Variants in TMEM163 observed in about 807,000 individuals in gnomAD.
TMEM163 encodes transmembrane protein 163.
A neutral mutation model predicts 29.3 loss-of-function variants in TMEM163; 17 were observed. The ratio of observed to expected loss-of-function variants is 0.58; its 90% CI spans 0.40 to 0.87. TMEM163 has a LOEUF of 0.87. Ranked by LOEUF, TMEM163 falls within the 40% of genes least tolerant of loss-of-function variation. The pLI, the probability that TMEM163 is intolerant of heterozygous loss-of-function variation, is 0.00. For missense variants in TMEM163, 303 were observed against 381.5 expected (o/e 0.79, Z 1.71); for synonymous variants, 157 against 160.6 (o/e 0.98, Z 0.17).
At chr2:134,592,848 A>G (rs1681967905) in intron 2 of TMEM163, among the ~76,000 whole-genome samples, 2 of 152,216 alleles carry the variant, frequency 1.3e-5, no homozygotes, top group South Asian at 4.2e-4. Context: ...ACATGTATAT[A>G]GAGATACAGA....
intron 2 of TMEM163, among the ~76,000 whole-genome samples, chr2:134,614,166 C>G (rs1302721459): frequency 6.6e-6 from 1 of 151,992 alleles, no homozygotes; most frequent in Non-Finnish European, 1.5e-5. Flanking sequence ...GGAAATAGAC[C>G]TATAAAAATA....
intron 4 of TMEM163, among the ~76,000 whole-genome samples, chr2:134,512,956 G>A (rs1679981713): frequency 6.6e-6 from 1 of 152,190 alleles, no homozygotes; most frequent in South Asian, 2.1e-4. Flanking sequence ...CAGGCCAGGT[G>A]AGGATGTGGC....
intron 6 of TMEM163, among the ~76,000 whole-genome samples, chr2:134,465,197 A>C (rs1339881003): frequency 1.5e-5 from 2 of 136,074 alleles, no homozygotes; most frequent in African/African-American, 3.1e-5. Flanking sequence ...TTTAAAAAAA[A>C]AAAAAACAAA....
At chr2:134,502,861 G>A (rs373716204) in intron 5 of TMEM163, 40 bp downstream of exon 5, 78 of 1,590,586 alleles carry the variant, frequency 4.9e-5, no homozygotes, top group African/African-American at 1.9e-4. Flanking sequence ...GGGGGCCAGC[G>A]CTGGCAGGAA....
intron 2 of TMEM163, among the ~76,000 whole-genome samples, chr2:134,590,793 G>C (rs888276338): frequency 6.6e-6 from 1 of 152,156 alleles, no homozygotes; most frequent in East Asian, 1.9e-4. Flanking sequence ...CATGGTGAGA[G>C]ACGAGAAAGG....
intron 2 of TMEM163, among the ~76,000 whole-genome samples, chr2:134,585,741 C>CAA (rs35588366): frequency 0.063 from 8,913 of 141,600 alleles, 820 homozygotes; most frequent in African/African-American, 0.2. Context: ...GACTCCGTCT[C>CAA]AAAAAAAAAA....
At chr2:134,575,520 A>T (rs1001858567) in intron 2 of TMEM163, among the ~76,000 whole-genome samples, 1 of 152,186 alleles carries the variant, frequency 6.6e-6, no homozygotes, top group African/African-American at 2.4e-5. Context: ...GGAGAGAGGC[A>T]CACACACAGG....
intron 6 of TMEM163, among the ~76,000 whole-genome samples, chr2:134,459,954 C>T (rs372120574): frequency 1.3e-5 from 2 of 152,116 alleles, no homozygotes; most frequent in Non-Finnish European, 2.9e-5. Flanking sequence ...AAGCCCTGAG[C>T]GCCACCTCGC....
rs1387785919 is a variant in TMEM163 at position 134,715,813 on chromosome 2, G to A, written c.203-2494C>T. Among the ~76,000 whole-genome samples, 2 of 152,298 alleles carry A rather than the reference G, an allele frequency of 1.3e-5. 1 individual carries two copies. Among genetic ancestry groups the A allele is most frequent in the Middle Eastern group, 6.8e-3 (2 of 294 alleles). Reference sequence around the variant, plus strand: ...GGACAGCCTAGAGAAGCTACGACAGGCCTCGGATTTGCAGGCAGGGCTGGA... The same window carrying A: ...GGACAGCCTAGAGAAGCTACGACAGACCTCGGATTTGCAGGCAGGGCTGGA... On this transcript the variant is annotated intron_variant, in intron 1 of 7. Coordinates refer to ENST00000281924, the MANE Select transcript of TMEM163 (RefSeq NM_030923.5).
chr2:134,456,901 G>A (rs1299017446), intron 7 of TMEM163, 125 bp from the exon 8 acceptor site: 32 of 1,010,748 alleles, frequency 3.2e-5, no homozygotes, highest in South Asian at 5.7e-5. Context: ...TATGTGGCTC[G>A]GTGGTTTTTA....
intron 2 of TMEM163, among the ~76,000 whole-genome samples, chr2:134,616,238 G>A (rs1007171371): frequency 6.6e-6 from 1 of 152,174 alleles, no homozygotes; most frequent in African/African-American, 2.4e-5. Flanking sequence ...AGAGCATTTT[G>A]AGAAAGTTAG....
chr2:134,641,574 A>G (rs1683220253), intron 2 of TMEM163, among the ~76,000 whole-genome samples: 1 of 152,210 alleles, frequency 6.6e-6, no homozygotes, highest in African/African-American at 2.4e-5. Flanking sequence ...TATATCTGGC[A>G]GAGGAGCCAC....
chr2:134,467,612 G>A (rs1282557841), intron 5 of TMEM163: 3 of 152,172 alleles, frequency 2.0e-5, no homozygotes, highest in Non-Finnish European at 2.9e-5. Flanking sequence ...CATGAGGAAC[G>A]ACCGAGAGAC....
intron 2 of TMEM163, among the ~76,000 whole-genome samples, chr2:134,577,418 A>T (rs1401067154): frequency 6.6e-6 from 1 of 152,186 alleles, no homozygotes; most frequent in African/African-American, 2.4e-5. Context: ...TAGGGGAGGC[A>T]CAGCTGGGAC....
chr2:134,704,706 G>C (rs1021682512), intron 2 of TMEM163, among the ~76,000 whole-genome samples: 5 of 151,740 alleles, frequency 3.3e-5, no homozygotes, highest in African/African-American at 7.3e-5. Flanking sequence ...TCCAGTGAAG[G>C]CTCCCCCACG....
chr2:134,599,019 A>G (rs1682163666), intron 2 of TMEM163, among the ~76,000 whole-genome samples: 1 of 99,220 alleles, frequency 1.0e-5, no homozygotes. Context: ...TCCGTTAAAA[A>G]AAAAAAAAAA....
chr2:134,578,008 G>C (rs1681604511), intron 2 of TMEM163, among the ~76,000 whole-genome samples: 1 of 152,012 alleles, frequency 6.6e-6, no homozygotes, highest in African/African-American at 2.4e-5. Context: ...TTTTTGTATG[G>C]GGAGGTCCTG....
chr2:134,573,634 G>A (rs1167104869), intron 2 of TMEM163, among the ~76,000 whole-genome samples: 1 of 152,216 alleles, frequency 6.6e-6, no homozygotes, highest in Non-Finnish European at 1.5e-5. Context: ...TGAGAGGGTG[G>A]AGACAGATGT....
intron 4 of TMEM163, among the ~76,000 whole-genome samples, chr2:134,521,051 T>G (rs1373571680): frequency 2.0e-5 from 3 of 151,006 alleles, no homozygotes; most frequent in Non-Finnish European, 4.4e-5. Flanking sequence ...CAGGCTGGAG[T>G]GCAGTGGCAC....
Sources: gnomAD v4.1 joint callset for allele counts (sites outside exome capture counted in the v4.1 genomes callset) on GRCh38, gnomAD v4.1.1 for gene constraint, MANE v1.5 for transcripts, NCBI Gene and HGNC (gene_info 2026-07-23, HGNC 2026-07-21) for gene names.